The following IRGM variants were observed in gnomAD, a reference collection of about 807,000 sequenced individuals.
The protein encoded by IRGM is immunity-related GTPase family M protein.
For missense variants in IRGM, 288 were observed against 219.9 expected (o/e 1.31, Z -1.96); for synonymous variants, 98 against 80.6 (o/e 1.22, Z -1.16).
intron 3 of IRGM, chr5:150,896,135 G>A (rs1480812837): frequency 9.3e-6 from 15 of 1,613,120 alleles, no homozygotes; most frequent in Non-Finnish European, 1.3e-5. Context: ...GATGTATAAT[G>A]AGGGGTGATT....
In IRGM at chr5:150,869,669, T is replaced by G. The variant is rs116924790; in HGVS notation, c.159-8311T>G. Reference sequence around the variant, plus strand: ...TCAATCTTGCTGCTTGTTATGGGTTTGTTCAGGGTTTCTATTTCTTCCTGG... The same window carrying G: ...TCAATCTTGCTGCTTGTTATGGGTTGGTTCAGGGTTTCTATTTCTTCCTGG... On this transcript the variant is annotated intron_variant and NMD_transcript_variant, in intron 1 of 3. Transcript: ENST00000520549. Among the ~76,000 whole-genome samples the G allele has an allele frequency of 4.0e-3, 609 of 152,306 alleles. 16 individuals carry two copies. The East Asian group carries it at 0.061, about 15-fold the overall frequency.
At chr5:150,889,679 TCA>T (rs1377577792) in intron 3 of IRGM, among the ~76,000 whole-genome samples, 1 of 152,072 alleles carries the variant, frequency 6.6e-6, no homozygotes, top group Non-Finnish European at 1.5e-5. Context: ...AAAAAAACAC[TCA>T]GTCTTTCACT....
At chr5:150,857,175 T>C (rs1357692003) in intron 1 of IRGM, among the ~76,000 whole-genome samples, 1 of 151,710 alleles carries the variant, frequency 6.6e-6, no homozygotes. Flanking sequence ...AGTGAGAACA[T>C]GTGGTGTTTG....
intron 3 of IRGM, among the ~76,000 whole-genome samples, chr5:150,883,256 AAGC>A (rs1754471331): frequency 6.6e-6 from 1 of 152,068 alleles, no homozygotes; most frequent in East Asian, 1.9e-4. Flanking sequence ...ACTAATGAAA[AAGC>A]AGTTCTAAAA....
chr5:150,897,740 A>T (rs1754845274), intron 3 of IRGM: 1 of 314,976 alleles, frequency 3.2e-6, no homozygotes, highest in Non-Finnish European at 5.8e-6. Flanking sequence ...TAAAACAGTA[A>T]CTGTATTTGA....
In IRGM at chr5:150,846,701, G is replaced by A. The variant is rs61270113; in HGVS notation, c.-935G>A. 0.21 allele frequency: 31,278 copies of A among 152,054 alleles called. 5,175 individuals are homozygous for A. Among genetic ancestry groups the A allele is most frequent in the African/African-American group, 0.44 (18,187 of 41,266 alleles). 9.4% of individuals were successfully genotyped at this position (152,054 alleles called of 1,614,324 possible). ...AACAACGAACCCCCCGGGGAGAAAC[G>A]AACAACTCCAGACTCGCCGCCTGAA... On this transcript the variant is annotated 5_prime_UTR_variant, in exon 1 of 2. Transcript: ENST00000522154.
At position 150,856,037 on chromosome 5, in the gene IRGM, AAC is replaced by A. The variant is rs1348871886; in HGVS notation, c.158+7385_158+7386del. 4.6e-5 allele frequency among the ~76,000 whole-genome samples: 7 copies of A among 151,522 alleles called. No homozygotes were observed. The South Asian group carries it at 1.2e-3, about 27-fold the overall frequency. ...TTATAACAATAAATTATAAATCTCT[AAC>A]AGCATTGACTATCATGGGGGAATAT... On this transcript the variant is annotated intron_variant and NMD_transcript_variant, in intron 1 of 3. Coordinates refer to the IRGM transcript ENST00000520549.
At chr5:150,869,726 T>C (rs1157981551) in intron 1 of IRGM, among the ~76,000 whole-genome samples, 1 of 152,066 alleles carries the variant, frequency 6.6e-6, no homozygotes, top group East Asian at 1.9e-4. Context: ...GTTAATAACT[T>C]CTCTTTTTAT....
intron 3 of IRGM, among the ~76,000 whole-genome samples, chr5:150,893,246 T>G (rs1018578341): frequency 6.6e-6 from 1 of 152,156 alleles, no homozygotes; most frequent in Non-Finnish European, 1.5e-5. Flanking sequence ...ATAATTCAAG[T>G]GTCTACAGGT....
intron 1 of IRGM, among the ~76,000 whole-genome samples, chr5:150,858,618 G>T (rs1754091939): frequency 1.3e-5 from 2 of 151,956 alleles, no homozygotes; most frequent in Non-Finnish European, 2.9e-5. Flanking sequence ...GTGGTTTGTA[G>T]TTCTCCTTGA....
rs1218535446 is a variant in IRGM, at chr5:150,857,499, G to A, written c.158+8845G>A. ...TCTAGTTCTAGATCCTTGAGGAATC[G>A]CCACACTGACTTCCACAATGGTTGA... On this transcript the variant is annotated intron_variant and NMD_transcript_variant, in intron 1 of 3. Coordinates refer to the IRGM transcript ENST00000520549. 1.1e-4 allele frequency among the ~76,000 whole-genome samples: 16 copies of A among 152,032 alleles called. No individual in the cohort carries two copies. The East Asian group carries it at 1.7e-3, about 17-fold the overall frequency.
intron 3 of IRGM, chr5:150,896,036 T>C: frequency 1.2e-6 from 2 of 1,613,566 alleles, no homozygotes. Context: ...CAGTATGAGC[T>C]CTGTGGTGTA....
At chr5:150,900,698 TA>T (rs1238304994) in exon 4 of IRGM, 1 of 152,092 alleles carries the variant, frequency 6.6e-6, no homozygotes, top group Non-Finnish European at 1.5e-5. Flanking sequence ...GAATCATGAT[TA>T]TAAAGAAAAA....
At chr5:150,880,878 G>C (rs1289227601) in intron 3 of IRGM, among the ~76,000 whole-genome samples, 1 of 152,138 alleles carries the variant, frequency 6.6e-6, no homozygotes, top group Non-Finnish European at 1.5e-5. Context: ...TGTAATCCCA[G>C]CACTTCGGGA....
At chr5:150,901,665 T>C (rs966614698), downstream of IRGM, among the ~76,000 whole-genome samples, 1 of 152,110 alleles carries the variant, frequency 6.6e-6, no homozygotes, top group African/African-American at 2.4e-5. Context: ...CAGCTGACAC[T>C]TAAATATATC....
intron 3 of IRGM, among the ~76,000 whole-genome samples, chr5:150,893,095 T>C (rs1754641568): frequency 6.6e-6 from 1 of 152,154 alleles, no homozygotes; most frequent in Non-Finnish European, 1.5e-5. Flanking sequence ...TGTCCTCTAT[T>C]ATAGGTTTAG....
rs1333811776 is a variant in IRGM at position 150,847,905 on chromosome 5, C to T, written c.-219C>T. On this transcript the variant is annotated 5_prime_UTR_variant, in exon 2 of 2. Transcript: ENST00000522154. The stretch of plus-strand genomic sequence containing the variant: ...GCAATATCTGCGTCCAGGGTTCAAG[C>T]GATTCCCCTGCCTCAGCCTCCTGTA... 1.5e-5 allele frequency: 8 copies of T among 523,488 alleles called. No homozygotes were observed. The highest frequency in any genetic ancestry group is 3.3e-5 in the East Asian group (1 of 30,406). The allele number at this position is 523,488 out of a possible 1,614,324, so 32.4% of individuals were successfully genotyped here. A position where few individuals can be genotyped will look rare whatever the true frequency, so the allele number is the denominator to read the frequency against.
At chr5:150,885,615 T>C (rs1754509109) in intron 3 of IRGM, among the ~76,000 whole-genome samples, 1 of 152,110 alleles carries the variant, frequency 6.6e-6, no homozygotes, top group South Asian at 2.1e-4. Context: ...TAATTCTTAT[T>C]GTAGAGATCA....
intron 1 of IRGM, among the ~76,000 whole-genome samples, chr5:150,865,359 C>T (rs1754191937): frequency 7.1e-6 from 1 of 140,770 alleles, no homozygotes; most frequent in East Asian, 2.4e-4. Flanking sequence ...GAAGATGTTA[C>T]ATATAAACTC....
Sources: allele counts gnomAD v4.1 joint callset (sites outside exome capture counted in the v4.1 genomes callset), GRCh38; gene constraint gnomAD v4.1.1; transcripts MANE v1.5; gene names NCBI Gene and HGNC (gene_info 2026-07-23, HGNC 2026-07-21).